The following PKNOX2 variants were observed in gnomAD, a reference collection of about 807,000 sequenced individuals.
PKNOX2 encodes PBX/knotted 1 homeobox 2.
PKNOX2 carries 14 observed loss-of-function variants against 53.1 expected under a neutral mutation model. The observed-to-expected ratio is 0.26, with a 90% confidence interval of 0.17 to 0.41. The LOEUF is 0.41. Ranked by LOEUF, PKNOX2 falls within the 10% of genes least tolerant of loss-of-function variation. The pLI, the probability that PKNOX2 is intolerant of heterozygous loss-of-function variation, is 1.00. For missense variants in PKNOX2, 496 were observed against 602.8 expected, an observed-to-expected ratio of 0.82 and a Z score of 1.85; for synonymous variants, 257 against 242.8, an observed-to-expected ratio of 1.06 and a Z score of -0.54.
At chr11:125,270,919 T>C (rs1945747024) in intron 2 of PKNOX2, among the ~76,000 whole-genome samples, 1 of 152,078 alleles carries the variant, frequency 6.6e-6, no homozygotes, top group Non-Finnish European at 1.5e-5. Context: ...TCTGTCTGAC[T>C]TGAAAGGCCT....
chr11:125,248,965 CAT>C (rs1197437760), intron 2 of PKNOX2, among the ~76,000 whole-genome samples: 1 of 126,312 alleles, frequency 7.9e-6, no homozygotes, highest in Non-Finnish European at 1.7e-5. Flanking sequence ...TATATACATA[CAT>C]ATATACATAT....
At chr11:125,406,234 AGT>A (rs1591559868) in intron 7 of PKNOX2, among the ~76,000 whole-genome samples, 2 of 152,304 alleles carry the variant, frequency 1.3e-5, no homozygotes, top group East Asian at 3.9e-4. Context: ...CAGAAAAGAG[AGT>A]CAGACCCTCC....
chr11:125,377,366 T>C (rs1485229626), intron 5 of PKNOX2, among the ~76,000 whole-genome samples: 8 of 152,182 alleles, frequency 5.3e-5, no homozygotes, highest in Non-Finnish European at 7.4e-5. Context: ...ATGGTTTCTC[T>C]TGCTGGAGAG....
chr11:125,290,557 C>A (rs1307635814), intron 2 of PKNOX2, among the ~76,000 whole-genome samples: 1 of 152,190 alleles, frequency 6.6e-6, no homozygotes, highest in Non-Finnish European at 1.5e-5. Context: ...CGATGCAGGC[C>A]TTGGGACACC....
intron 7 of PKNOX2, among the ~76,000 whole-genome samples, chr11:125,399,443 C>T (rs1011552761): frequency 7.2e-5 from 11 of 152,144 alleles, no homozygotes; most frequent in African/African-American, 2.2e-4. Flanking sequence ...ACCATGGTGA[C>T]GCTGCGCAGT....
chr11:125,401,785 GTGTGTA>G lies in PKNOX2; in HGVS notation c.588+3729_588+3734del, dbSNP rs879470560. Among the ~76,000 whole-genome samples, 1,392 of 152,134 alleles carry G rather than the reference GTGTGTA, an allele frequency of 9.1e-3. 12 individuals carry two copies. The highest frequency in any genetic ancestry group is 0.024 in the African/African-American group (979 of 41,460). Reference sequence around the variant, plus strand: ...CTTGTGAGTGTGTGTGTGTGTGTGTGTGTGTATGTGTGTGCACACGCGGGCACATGC... The same window carrying G: ...CTTGTGAGTGTGTGTGTGTGTGTGTGTGTGTGTGCACACGCGGGCACATGC... On this transcript the variant is annotated intron_variant, in intron 7 of 12. Transcript: ENST00000298282.
At chr11:125,267,700 G>A (rs2135772583) in intron 2 of PKNOX2, among the ~76,000 whole-genome samples, 1 of 152,052 alleles carries the variant, frequency 6.6e-6, no homozygotes, top group East Asian at 1.9e-4. Flanking sequence ...GAGGAAGCCT[G>A]TGTGTGTGTG....
intron 1 of PKNOX2, among the ~76,000 whole-genome samples, chr11:125,170,916 G>A (rs1160504706): frequency 3.3e-5 from 5 of 151,846 alleles, no homozygotes; most frequent in East Asian, 1.9e-4. Flanking sequence ...TAGTAGGAAC[G>A]TGGCCAATTT....
intron 3 of PKNOX2, among the ~76,000 whole-genome samples, chr11:125,347,650 G>C (rs1951051230): frequency 6.6e-6 from 1 of 152,090 alleles, no homozygotes; most frequent in Non-Finnish European, 1.5e-5. Context: ...CACTGATCCT[G>C]CCTCGGTGGC....
At chr11:125,221,109 C>G (rs901568527) in intron 1 of PKNOX2, among the ~76,000 whole-genome samples, 3 of 151,952 alleles carry the variant, frequency 2.0e-5, no homozygotes, top group Admixed American at 2.0e-4. Flanking sequence ...GAGCCGAGAT[C>G]GCGCCACTGC....
chr11:125,401,766 A>AGATTGT (rs1555170945), intron 7 of PKNOX2, among the ~76,000 whole-genome samples: 2 of 149,194 alleles, frequency 1.3e-5, no homozygotes, highest in Non-Finnish European at 1.5e-5. Flanking sequence ...GGAGCTTGTG[A>AGATTGT]GTGTGTGTGT....
At chr11:125,393,713 A>G (rs1954221156) in intron 6 of PKNOX2, among the ~76,000 whole-genome samples, 1 of 152,034 alleles carries the variant, frequency 6.6e-6, no homozygotes, top group South Asian at 2.1e-4. Flanking sequence ...GCCAGGAGTG[A>G]GAGATGGGAG....
At chr11:125,410,017 CCTT>C in intron 7 of PKNOX2, 176 bp from the exon 8 acceptor site, 2 of 768,848 alleles carry the variant, frequency 2.6e-6, no homozygotes, top group Admixed American at 2.7e-5. Context: ...TTTAATTGAG[CCTT>C]CTTATTCACC....
chr11:125,206,969 T>C (rs1412546412), intron 1 of PKNOX2, among the ~76,000 whole-genome samples: 1 of 118,244 alleles, frequency 8.5e-6, no homozygotes, highest in East Asian at 2.4e-4. Context: ...GGTGGTGCTG[T>C]GAGAGAGGGA....
At chr11:125,221,401 G>A (rs1462014661) in intron 1 of PKNOX2, among the ~76,000 whole-genome samples, 1 of 152,132 alleles carries the variant, frequency 6.6e-6, no homozygotes, top group Non-Finnish European at 1.5e-5. Context: ...TGTGTTTGGG[G>A]CACATTTACC....
intron 2 of PKNOX2, among the ~76,000 whole-genome samples, chr11:125,330,661 C>T (rs1950087762): frequency 6.6e-6 from 1 of 152,158 alleles, no homozygotes; most frequent in South Asian, 2.1e-4. Context: ...TGTCTCTCTG[C>T]CACCCTCACC....
chr11:125,170,918 G>A (rs1955259355), intron 1 of PKNOX2, among the ~76,000 whole-genome samples: 1 of 151,980 alleles, frequency 6.6e-6, no homozygotes, highest in South Asian at 2.1e-4. Context: ...GTAGGAACGT[G>A]GCCAATTTGA....
chr11:125,231,691 G>T (rs1219914600), intron 1 of PKNOX2, among the ~76,000 whole-genome samples: 2 of 152,082 alleles, frequency 1.3e-5, no homozygotes, highest in Non-Finnish European at 1.5e-5. Flanking sequence ...TGTAGAGATT[G>T]CATGTGCTTA....
intron 7 of PKNOX2, among the ~76,000 whole-genome samples, chr11:125,408,153 G>A (rs750296263): frequency 2.0e-5 from 3 of 152,196 alleles, no homozygotes; most frequent in Admixed American, 6.5e-5. Flanking sequence ...GGCTGCTAAC[G>A]GGCTGTGTGG....
Sources: allele counts gnomAD v4.1 joint callset (sites outside exome capture counted in the v4.1 genomes callset), GRCh38; gene constraint gnomAD v4.1.1; transcripts MANE v1.5; gene names NCBI Gene and HGNC (gene_info 2026-07-23, HGNC 2026-07-21).